RNLS: variants seen among roughly 807,000 people sequenced by gnomAD.
RNLS encodes renalase.
In RNLS, 39 loss-of-function variants were observed where a neutral mutation model predicts 39.8. That is an observed-to-expected ratio of 0.98 (90% CI 0.76 to 1.28). The LOEUF is 1.28. Ranked by LOEUF, RNLS falls within the 50% of genes most tolerant of loss-of-function variation. The pLI, the probability that RNLS is intolerant of heterozygous loss-of-function variation, is 0.00. For missense variants in RNLS, 410 were observed against 413.3 expected (o/e 0.99, Z 0.07); for synonymous variants, 147 against 150.7 (o/e 0.98, Z 0.18).
intron 3 of RNLS, among the ~76,000 whole-genome samples, chr10:88,580,245 C>CACAT (rs1437695676): frequency 6.6e-6 from 1 of 152,176 alleles, no homozygotes; most frequent in Non-Finnish European, 1.5e-5. Flanking sequence ...TACATACACA[C>CACAT]ACATACCCTA....
chr10:88,182,406 G>A, the RNLS span, among the ~76,000 whole-genome samples: 3 of 152,114 alleles, frequency 2.0e-5, no homozygotes, highest in Admixed American at 2.0e-4. Context: ...TCTTTCTGAA[G>A]CCACACACTG....
At chr10:88,485,920 T>G (rs140009096) in intron 4 of RNLS, among the ~76,000 whole-genome samples, 1 of 152,074 alleles carries the variant, frequency 6.6e-6, no homozygotes, top group Non-Finnish European at 1.5e-5. Context: ...TAAAGTAACC[T>G]AGTCATTAAC....
chr10:88,492,209 A>G (rs1485954032), intron 4 of RNLS, among the ~76,000 whole-genome samples: 1 of 152,018 alleles, frequency 6.6e-6, no homozygotes, highest in African/African-American at 2.4e-5. Flanking sequence ...CCCACTCTTT[A>G]GAGCATTTCC....
chr10:88,204,278 T>A, the RNLS span, among the ~76,000 whole-genome samples: 80 of 152,282 alleles, frequency 5.3e-4, 1 homozygote, highest in South Asian at 4.3e-3. Flanking sequence ...GTGCCTTGAA[T>A]GTACAGATAA....
chr10:88,554,847 A>G (rs1308529753), intron 4 of RNLS, among the ~76,000 whole-genome samples: 1 of 152,126 alleles, frequency 6.6e-6, no homozygotes, highest in Admixed American at 6.6e-5. Context: ...AACATATTAT[A>G]ATGTATCCTA....
At chr10:88,223,426 G>A in the RNLS span, among the ~76,000 whole-genome samples, 1 of 152,176 alleles carries the variant, frequency 6.6e-6, no homozygotes, top group African/African-American at 2.4e-5. Flanking sequence ...GCATGACTGT[G>A]AAAAAGAGGA....
rs575417779 is a variant in RNLS at position 88,565,781 on chromosome 10, C to T, written c.526+7122G>A. ...TTTTTTTTTTTTTGAGAGGGAGTCTCGCTCTGTCACCAGGCTGGAGTGCAG... is the reference window on the plus strand; with the variant it reads ...TTTTTTTTTTTTTGAGAGGGAGTCTTGCTCTGTCACCAGGCTGGAGTGCAG... On this transcript the variant is annotated intron_variant, in intron 4 of 6. Transcript: ENST00000331772. Among the ~76,000 whole-genome samples, 18 of 133,702 alleles carry T rather than the reference C, an allele frequency of 1.3e-4. No homozygotes were observed. In the South Asian group the frequency reaches 1.4e-3, roughly 11 times the overall value. The allele number at this position is 133,702 out of a possible 152,430, so 87.7% of individuals were successfully genotyped here. A position where few individuals can be genotyped will look rare whatever the true frequency, so the allele number is the denominator to read the frequency against.
At chr10:88,238,140 T>G in the RNLS span, among the ~76,000 whole-genome samples, 2 of 152,240 alleles carry the variant, frequency 1.3e-5, no homozygotes, top group African/African-American at 4.8e-5. Flanking sequence ...CAACAAGCAT[T>G]CCTTGAATAT....
intron 4 of RNLS, among the ~76,000 whole-genome samples, chr10:88,368,078 A>G (rs1389531946): frequency 6.6e-6 from 1 of 151,938 alleles, no homozygotes; most frequent in Admixed American, 6.6e-5. Flanking sequence ...GCCTACTTCA[A>G]GATCATAAAG....
intron 4 of RNLS, among the ~76,000 whole-genome samples, chr10:88,365,578 TATA>T (rs1308709824): frequency 6.8e-6 from 1 of 146,340 alleles, no homozygotes; most frequent in African/African-American, 2.7e-5. Flanking sequence ...TAGGATATGT[TATA>T]TATTATATAT....
At chr10:88,252,701 C>T in the RNLS span, among the ~76,000 whole-genome samples, 2 of 152,202 alleles carry the variant, frequency 1.3e-5, no homozygotes, top group Admixed American at 6.5e-5. Context: ...ACTGTCATTT[C>T]CCTTACTGGA....
chr10:88,195,886 T>G, the RNLS span, among the ~76,000 whole-genome samples: 3 of 152,234 alleles, frequency 2.0e-5, no homozygotes, highest in African/African-American at 2.4e-5. Context: ...GTGACATTGC[T>G]AGAGGCATTC....
chr10:88,437,997 A>T (rs1281352523), intron 4 of RNLS, among the ~76,000 whole-genome samples: 1 of 152,062 alleles, frequency 6.6e-6, no homozygotes, highest in Non-Finnish European at 1.5e-5. Flanking sequence ...GTGGTAGCAC[A>T]TGCCTGTAAT....
intron 4 of RNLS, among the ~76,000 whole-genome samples, chr10:88,440,653 T>C (rs1841662173): frequency 2.6e-5 from 4 of 152,316 alleles, no homozygotes; most frequent in Non-Finnish European, 5.9e-5. Flanking sequence ...AGATATCTTC[T>C]GGTAGCAATG....
chr10:88,324,970 C>T (rs1330531148), intron 5 of RNLS, among the ~76,000 whole-genome samples: 1 of 152,144 alleles, frequency 6.6e-6, no homozygotes, highest in Admixed American at 6.5e-5. Context: ...TGTAGTAGGT[C>T]AGGGTTTCCT....
rs572300389 is a variant in RNLS, at chr10:88,449,375, C to T, written c.527-86650G>A. On this transcript the variant is annotated intron_variant, in intron 4 of 6. Transcript: ENST00000331772. The stretch of plus-strand genomic sequence containing the variant: ...AGATCCCTGTGGATGGAATAAAACT[C>T]TTTTCCACGTGTTTAATTAGCTGAA... Among the ~76,000 whole-genome samples the T allele has an allele frequency of 3.3e-5, 5 of 152,292 alleles. No individual in the cohort carries two copies. In the South Asian group the frequency reaches 1.0e-3, roughly 32 times the overall value.
intron 5 of RNLS, among the ~76,000 whole-genome samples, chr10:88,354,132 T>C (rs576093442): frequency 6.6e-6 from 1 of 152,354 alleles, no homozygotes; most frequent in Non-Finnish European, 1.5e-5. Flanking sequence ...ATGGGTTTCC[T>C]GAATACAGCA....
chr10:88,549,244 T>C (rs911817712), intron 4 of RNLS, among the ~76,000 whole-genome samples: 5 of 149,476 alleles, frequency 3.3e-5, no homozygotes, highest in Non-Finnish European at 5.9e-5. Flanking sequence ...TTTCATAAAG[T>C]AAACTACAAA....
intron 5 of RNLS, among the ~76,000 whole-genome samples, chr10:88,332,212 C>T (rs1305023325): frequency 6.6e-6 from 1 of 152,248 alleles, no homozygotes; most frequent in African/African-American, 2.4e-5. Flanking sequence ...GATAACACTC[C>T]TCACCAAATA....
Sources: gnomAD v4.1 joint callset for allele counts (sites outside exome capture counted in the v4.1 genomes callset) on GRCh38, gnomAD v4.1.1 for gene constraint, MANE v1.5 for transcripts, NCBI Gene and HGNC (gene_info 2026-07-23, HGNC 2026-07-21) for gene names.